The following PTBP3 variants were observed in gnomAD, a reference collection of about 807,000 sequenced individuals.
The protein encoded by PTBP3 is polypyrimidine tract binding protein 3, also known as polypyrimidine tract-binding protein 3.
PTBP3 carries 20 observed loss-of-function variants against 58.7 expected under a neutral mutation model. That is an observed-to-expected ratio of 0.34 (90% CI 0.24 to 0.50). PTBP3 has a LOEUF of 0.50. Among genes scored for constraint, PTBP3 ranks in the 20% least tolerant of loss-of-function variants. PTBP3 has a pLI of 0.98. For synonymous variants in PTBP3, 185 were observed against 219.8 expected (o/e 0.84, Z 1.40); for missense variants, 509 against 637.2 (o/e 0.80, Z 2.17).
At chr9:112,262,781 C>T (rs1356741254) in intron 4 of PTBP3, among the ~76,000 whole-genome samples, 182 bp from the exon 5 acceptor site, 1 of 152,178 alleles carries the variant, frequency 6.6e-6, no homozygotes, top group Non-Finnish European at 1.5e-5. Flanking sequence ...TCCCTGCATA[C>T]CACAATGACA....
At chr9:112,299,218 T>C (rs991647548) in intron 1 of PTBP3, among the ~76,000 whole-genome samples, 2 of 152,200 alleles carry the variant, frequency 1.3e-5, no homozygotes, top group African/African-American at 4.8e-5. Context: ...ACATATGAGT[T>C]AGCATCAGTA....
intron 1 of PTBP3, among the ~76,000 whole-genome samples, chr9:112,325,455 C>A (rs751086206): frequency 3.3e-5 from 5 of 152,070 alleles, no homozygotes; most frequent in African/African-American, 1.2e-4. Context: ...GCTCCCCTTT[C>A]GCTTAATAAA....
intron 2 of PTBP3, among the ~76,000 whole-genome samples, chr9:112,288,218 ACT>A (rs1160783993): frequency 5.9e-5 from 9 of 151,758 alleles, no homozygotes; most frequent in Admixed American, 1.3e-4. Context: ...TTCAACAAGG[ACT>A]CTCTGTTGTA....
Position 112,223,070 on chromosome 9 carries a change from A to C in PTBP3, c.*781T>G. 1 of 856,980 alleles carries C rather than the reference A, an allele frequency of 1.2e-6. No homozygotes were observed. The highest frequency in any genetic ancestry group is 5.4e-5 in the South Asian group (1 of 18,536). 53.1% of individuals were successfully genotyped at this position (856,980 alleles called of 1,614,324 possible). On this transcript the variant is annotated 3_prime_UTR_variant, in exon 14 of 14. Transcript: ENST00000374257. ...TCATATTACTTGACAAATAAGTGTC[A>C]TTTTGAAATTTAAAACATGATTTTT...
Position 112,247,814 on chromosome 9 carries a change from C to T in PTBP3, c.802+3115G>A, listed in dbSNP as rs114802362. Among the ~76,000 whole-genome samples, 729 of 152,204 alleles carry T rather than the reference C, an allele frequency of 4.8e-3. 6 individuals carry two copies. Among genetic ancestry groups the T allele is most frequent in the African/African-American group, 0.017 (707 of 41,516 alleles). On this transcript the variant is annotated intron_variant, in intron 7 of 13. Coordinates refer to ENST00000374257, the MANE Select transcript of PTBP3 (RefSeq NM_001163788.4). ...AGAATGTCCTTGCTCTTAGTAAATACACAATGATTAATTTAGACATAAAGG... is the reference window on the plus strand; with the variant it reads ...AGAATGTCCTTGCTCTTAGTAAATATACAATGATTAATTTAGACATAAAGG...
the PTBP3 span, among the ~76,000 whole-genome samples, chr9:112,378,621 T>A: frequency 6.6e-6 from 1 of 152,230 alleles, no homozygotes; most frequent in Non-Finnish European, 1.5e-5. Flanking sequence ...GTTATTTTCA[T>A]CTAACAGTCT....
chr9:112,313,952 T>C (rs980863676), intron 1 of PTBP3, among the ~76,000 whole-genome samples: 2 of 152,172 alleles, frequency 1.3e-5, no homozygotes, highest in Non-Finnish European at 2.9e-5. Flanking sequence ...TCCACAAAGT[T>C]ACAAAAAGCA....
At position 112,220,009 on chromosome 9, in the gene PTBP3, G is replaced by T; in HGVS notation, c.*3842C>A. The T allele has an allele frequency of 1.1e-6, 1 of 922,008 alleles. No homozygotes were observed. The highest frequency in any genetic ancestry group is 1.4e-6 in the Non-Finnish European group (1 of 724,354). The allele number at this position is 922,008 out of a possible 1,614,324, so 57.1% of individuals were successfully genotyped here. On this transcript the variant is annotated 3_prime_UTR_variant, in exon 14 of 14. Transcript: ENST00000374257. ...GTATTTCTTTCAGCACAATAGTAGA[G>T]TATTTTGAGTCTGGCAGTTTTGTTC...
Position 112,333,577 on chromosome 9 carries a change from T to C in PTBP3, c.-159A>G. On this transcript the variant is annotated 5_prime_UTR_variant, in exon 1 of 14. Coordinates refer to ENST00000374257, the MANE Select transcript of PTBP3 (RefSeq NM_001163788.4). ...GGGCGGTTCCGGGGACAAGCGAGCTTTGGCTCTGCGGAGCCCCGGCCGGTC... is the reference window on the plus strand; with the variant it reads ...GGGCGGTTCCGGGGACAAGCGAGCTCTGGCTCTGCGGAGCCCCGGCCGGTC... 1 of 1,441,846 alleles carries C rather than the reference T, an allele frequency of 6.9e-7. No individual in the cohort carries two copies. The highest frequency in any genetic ancestry group is 2.6e-5 in the East Asian group (1 of 38,568). 89.3% of individuals were successfully genotyped at this position (1,441,846 alleles called of 1,614,324 possible). A position where few individuals can be genotyped will look rare whatever the true frequency, so the allele number is the denominator to read the frequency against.
chr9:112,356,520 A>C, the PTBP3 span, among the ~76,000 whole-genome samples: 1 of 151,578 alleles, frequency 6.6e-6, no homozygotes, highest in African/African-American at 2.4e-5. Flanking sequence ...CTTATGCAAT[A>C]ATTCCACAAC....
the PTBP3 span, among the ~76,000 whole-genome samples, chr9:112,359,395 G>A: frequency 4.6e-5 from 7 of 152,044 alleles, no homozygotes; most frequent in African/African-American, 1.7e-4. Context: ...GCAGTGAGCT[G>A]AGATCGCGCC....
intron 1 of PTBP3, among the ~76,000 whole-genome samples, chr9:112,310,440 T>C (rs528073707): frequency 1.1e-4 from 16 of 152,240 alleles, no homozygotes; most frequent in Non-Finnish European, 2.2e-4. Context: ...ATTCAGTTCT[T>C]ACCATACAGG....
At chr9:112,309,412 A>T (rs1829376589) in intron 1 of PTBP3, among the ~76,000 whole-genome samples, 1 of 152,202 alleles carries the variant, frequency 6.6e-6, no homozygotes, top group Admixed American at 6.5e-5. Flanking sequence ...TCTCCTGATT[A>T]CTTACCTTTA....
chr9:112,314,775 A>C (rs1386291474), intron 1 of PTBP3, among the ~76,000 whole-genome samples: 2 of 152,224 alleles, frequency 1.3e-5, no homozygotes, highest in African/African-American at 4.8e-5. Flanking sequence ...CTTTAACAGA[A>C]TAAAAAATCA....
chr9:112,301,437 T>C (rs1229942500), intron 1 of PTBP3, among the ~76,000 whole-genome samples: 1 of 132,310 alleles, frequency 7.6e-6, no homozygotes, highest in African/African-American at 3.0e-5. Flanking sequence ...GAAAGTAGTT[T>C]GGTGTTTTCT....
chr9:112,340,347 A>G, the PTBP3 span, among the ~76,000 whole-genome samples: 1 of 151,986 alleles, frequency 6.6e-6, no homozygotes, highest in East Asian at 1.9e-4. Context: ...TATTTATTAG[A>G]TCTTCATTCT....
chr9:112,303,748 C>T (rs748858043), intron 1 of PTBP3, among the ~76,000 whole-genome samples: 4 of 152,278 alleles, frequency 2.6e-5, no homozygotes, highest in Non-Finnish European at 4.4e-5. Flanking sequence ...ACTCTAGCCC[C>T]AGCTACTCGG....
intron 1 of PTBP3, among the ~76,000 whole-genome samples, chr9:112,322,634 C>A (rs931884651): frequency 2.0e-5 from 3 of 152,186 alleles, no homozygotes; most frequent in Non-Finnish European, 4.4e-5. Flanking sequence ...TACAACATGT[C>A]TGGCTTTCAA....
At chr9:112,277,904 AAC>A (rs1369136275) in intron 2 of PTBP3, among the ~76,000 whole-genome samples, 14 of 114,792 alleles carry the variant, frequency 1.2e-4, no homozygotes, top group South Asian at 9.9e-4. Context: ...AACATAACAT[AAC>A]ATAACATAAC....
Sources: gnomAD v4.1 joint callset for allele counts (sites outside exome capture counted in the v4.1 genomes callset) on GRCh38, gnomAD v4.1.1 for gene constraint, MANE v1.5 for transcripts, NCBI Gene and HGNC (gene_info 2026-07-23, HGNC 2026-07-21) for gene names.